MX2: variants seen among roughly 807,000 people sequenced by gnomAD.
The protein encoded by MX2 is interferon-induced GTP-binding protein Mx2.
MX2 carries 51 observed loss-of-function variants against 74.0 expected under a neutral mutation model. The observed-to-expected ratio is 0.69, with a 90% CI of 0.55 to 0.87. MX2 has a LOEUF of 0.87. Ranked by LOEUF, MX2 falls within the 40% of genes least tolerant of loss-of-function variation. The pLI is 0.00. For synonymous variants in MX2, 369 were observed against 339.3 expected (o/e 1.09, Z -0.96); for missense variants, 832 against 908.7 (o/e 0.92, Z 1.09).
chr21:41,375,468 G>T (rs1301494301), intron 1 of MX2, among the ~76,000 whole-genome samples: 2 of 152,228 alleles, frequency 1.3e-5, no homozygotes, highest in Admixed American at 6.5e-5. Flanking sequence ...CGGCAGAGCT[G>T]GTTCCTTCTG....
chr21:41,399,201 C>T lies in MX2; in HGVS notation c.1278C>T (p.Ile426=). Residue 426 remains isoleucine (I), a synonymous_variant, in exon 10 of 14, where the codon ATC becomes ATT. Coordinates refer to ENST00000330714, the MANE Select transcript of MX2 (RefSeq NM_002463.2). ...ADKMFFLIEK[I]KMFNQDIEKL... is the part of the protein sequence containing the mutation. Reference sequence around the variant, plus strand: ...TGACTTTATATCATTTTCAGAAAATCAAGATGTTTAATCAGGACATCGAAA... The same window carrying T: ...TGACTTTATATCATTTTCAGAAAATTAAGATGTTTAATCAGGACATCGAAA... The T allele has an allele frequency of 6.2e-7, 1 of 1,613,442 alleles. No individual in the cohort carries two copies. Among genetic ancestry groups the T allele is most frequent in the Non-Finnish European group, 8.5e-7 (1 of 1,179,824 alleles).
At position 41,406,998 on chromosome 21, in the gene MX2, G is replaced by C. The variant is rs773319011; in HGVS notation, c.1905G>C (p.Leu635Phe). ...GCATCCACCTGAATGCCTACTTCTT[G>C]GTGAGTTCCCGGCGGGGCAGGAGCC... ...EIGIHLNAYF[L>F]ETSKRLANQI... Residue 635 changes from leucine to phenylalanine, a missense_variant and splice_region_variant, in exon 13 of 14, where the codon TTG (leucine) becomes TTC (phenylalanine). Transcript: ENST00000330714. The C allele has an allele frequency of 6.2e-7, 1 of 1,610,470 alleles. No individual in the cohort carries two copies.
chr21:41,383,748 C>T (rs547391534), intron 5 of MX2, among the ~76,000 whole-genome samples: 52 of 152,314 alleles, frequency 3.4e-4, no homozygotes, highest in Admixed American at 1.4e-3. Flanking sequence ...TGATCTTCCT[C>T]AACATCCAAA....
intron 12 of MX2, chr21:41,404,630 G>A (rs139283851): frequency 3.3e-5 from 5 of 152,310 alleles, no homozygotes; most frequent in African/African-American, 1.2e-4. Flanking sequence ...GGTCACCCTC[G>A]TGTAAGGCTC....
Position 41,376,841 on chromosome 21 carries a change from G to C in MX2, c.-66G>C. 6.3e-7 allele frequency: 1 copy of C among 1,588,394 alleles called. No homozygotes were observed. The highest frequency in any genetic ancestry group is 8.6e-7 in the Non-Finnish European group (1 of 1,166,666). On this transcript the variant is annotated 5_prime_UTR_variant, in exon 2 of 14. Transcript: ENST00000330714. The stretch of plus-strand genomic sequence containing the variant: ...TCCCTCTTGTGTCTTTGCAGAGCTT[G>C]TCAGGAAGATCGGAGGTGCCAAGTA...
Position 41,408,684 on chromosome 21 carries a change from G to A in MX2, c.*451G>A, listed in dbSNP as rs1601441903. 1 of 158,190 alleles carries A rather than the reference G, an allele frequency of 6.3e-6. No individual in the cohort carries two copies. The highest frequency in any genetic ancestry group is 2.4e-5 in the African/African-American group (1 of 41,546). The allele number at this position is 158,190 out of a possible 1,614,324, so 9.8% of individuals were successfully genotyped here. ...AACGAATGAGTGCTGTGTAAGTGAT[G>A]GAGATACCTGAGGCTATTGCTCAAG... On this transcript the variant is annotated 3_prime_UTR_variant, in exon 14 of 14. Coordinates refer to ENST00000330714, the MANE Select transcript of MX2 (RefSeq NM_002463.2).
At chr21:41,401,188 A>G (rs951288697) in intron 10 of MX2, 1 of 148,630 alleles carries the variant, frequency 6.7e-6, no homozygotes, top group Admixed American at 6.6e-5. Context: ...TTGAGATGAG[A>G]TTTGGTTGGG....
At chr21:41,384,128 A>T (rs1437780604) in intron 5 of MX2, among the ~76,000 whole-genome samples, 1 of 152,146 alleles carries the variant, frequency 6.6e-6, no homozygotes, top group Non-Finnish European at 1.5e-5. Context: ...CCTTGTGAAG[A>T]AGGTGCCTGC....
In MX2 at chr21:41,399,316, C is replaced by T. The variant is rs750090062; in HGVS notation, c.1393C>T (p.Leu465Phe). ...GGATTTTAAAAACTGGGTAGGCATA[C>T]TTGCAACTAATACCCAAAAAGGTAA... ...REDFKNWVGILATNTQKVKNI... is the reference protein window; with the variant it reads ...REDFKNWVGIFATNTQKVKNI... Residue 465 changes from leucine (L) to phenylalanine (F), a missense_variant, in exon 10 of 14, where the codon CTT (leucine) becomes TTT (phenylalanine). Leu to Phe is a conservative substitution (Grantham distance 22). Transcript: ENST00000330714. 2.5e-6 allele frequency: 4 copies of T among 1,614,024 alleles called. 1 individual carries two copies. In the South Asian group the frequency reaches 4.4e-5, roughly 18 times the overall value.
Position 41,379,343 on chromosome 21 carries a change from C to T in MX2, c.443-674C>T, listed in dbSNP as rs147489686. Among the ~76,000 whole-genome samples, 17 of 152,294 alleles carry T rather than the reference C, an allele frequency of 1.1e-4. No individual in the cohort carries two copies. The East Asian group carries it at 3.1e-3, about 28-fold the overall frequency. On this transcript the variant is annotated intron_variant, in intron 3 of 13. Coordinates refer to ENST00000330714, the MANE Select transcript of MX2 (RefSeq NM_002463.2). The stretch of plus-strand genomic sequence containing the variant: ...AAGGTCGCGGGTTCTCAGGGCTTCA[C>T]GGCAGGAGCGTGAGGGCCCCCACCC...
At chr21:41,405,636 C>T (rs995746014) in intron 12 of MX2, among the ~76,000 whole-genome samples, 14 of 151,024 alleles carry the variant, frequency 9.3e-5, no homozygotes, top group Non-Finnish European at 1.6e-4. Context: ...GCAGGGGACA[C>T]AAATGTTCAG....
intron 1 of MX2, chr21:41,370,615 A>G (rs920819784): frequency 6.6e-6 from 1 of 152,326 alleles, no homozygotes; most frequent in South Asian, 2.1e-4. Context: ...AGCGGAGAAG[A>G]GTTGGAAGCA....
chr21:41,374,546 C>A (rs910533370), intron 1 of MX2, among the ~76,000 whole-genome samples: 1 of 152,228 alleles, frequency 6.6e-6, no homozygotes, highest in African/African-American at 2.4e-5. Flanking sequence ...TAACGAGCCA[C>A]ATGGAAGCAT....
intron 1 of MX2, chr21:41,364,189 C>T (rs1457700605): frequency 6.6e-6 from 1 of 152,600 alleles, no homozygotes; most frequent in Non-Finnish European, 1.5e-5. Context: ...GCTGGGTAAC[C>T]ACCAGCTTCC....
Position 41,380,735 on chromosome 21 carries a change from G to A in MX2, c.577+584G>A, listed in dbSNP as rs1487388903. Among the ~76,000 whole-genome samples the A allele has an allele frequency of 6.6e-6, 1 of 152,162 alleles. No individual in the cohort carries two copies. The highest frequency in any genetic ancestry group is 1.5e-5 in the Non-Finnish European group (1 of 68,038). On this transcript the variant is annotated intron_variant, in intron 4 of 13. Coordinates refer to ENST00000330714, the MANE Select transcript of MX2 (RefSeq NM_002463.2). The surrounding 1 kb of genome is among the most constrained non-coding windows in gnomAD (Gnocchi z 4.3). ...TTTCCCAATGCTTGTTCTTGGCCAT[G>A]GCTGATCAGAAAAGGCTCAGTTGCT...
intron 1 of MX2, 46 bp downstream of exon 1, chr21:41,362,101 A>G (rs2089214863): frequency 6.6e-6 from 1 of 152,260 alleles, no homozygotes; most frequent in Non-Finnish European, 1.5e-5. Flanking sequence ...TGTCTGATGC[A>G]CAGCAGATGC....
At chr21:41,395,886 C>G (rs1413655862) in intron 7 of MX2, 101 bp downstream of exon 7, 2 of 1,181,310 alleles carry the variant, frequency 1.7e-6, no homozygotes, top group Non-Finnish European at 1.2e-6. Flanking sequence ...ACAAATTACA[C>G]AAGGTAGTAT....
At position 41,384,872 on chromosome 21, in the gene MX2, G is replaced by A. The variant is rs554713668; in HGVS notation, c.732+2308G>A. ...AAAAAAAGAATTAAAAAACTAATTA[G>A]GAATAAAATGCCCTACCTTAAGTTT... is the stretch of plus-strand genomic sequence containing the variant. On this transcript the variant is annotated intron_variant, in intron 5 of 13. Transcript: ENST00000330714. Among the ~76,000 whole-genome samples the A allele has an allele frequency of 5.3e-5, 8 of 151,482 alleles. No individual in the cohort carries two copies. The South Asian group carries it at 1.7e-3, about 32-fold the overall frequency.
At chr21:41,377,667 T>C in intron 2 of MX2, 122 bp from the exon 3 acceptor site, 1 of 1,033,498 alleles carries the variant, frequency 9.7e-7, no homozygotes, top group South Asian at 1.6e-5. Context: ...TCCATCCACC[T>C]TCTCACCTCC....
Sources: allele counts gnomAD v4.1 joint callset (sites outside exome capture counted in the v4.1 genomes callset), GRCh38; gene constraint gnomAD v4.1.1; non-coding constraint Gnocchi (gnomAD v3.1); transcripts MANE v1.5; gene names NCBI Gene and HGNC (gene_info 2026-07-23, HGNC 2026-07-21).